Variants in HNRNPL observed in about 807,000 individuals in gnomAD.
The protein encoded by HNRNPL is heterogeneous nuclear ribonucleoprotein L, also known as epididymis secretory sperm binding protein.
HNRNPL carries 12 observed loss-of-function variants against 64.0 expected under a neutral mutation model. That is an observed-to-expected ratio of 0.19 (90% CI 0.12 to 0.30). The LOEUF (loss-of-function observed/expected upper bound fraction) is 0.30. Among genes scored for constraint, HNRNPL ranks in the 10% least tolerant of loss-of-function variants. HNRNPL has a pLI of 1.00. For missense variants in HNRNPL, 484 were observed against 797.4 expected, an observed-to-expected ratio of 0.61 and a Z score of 4.73; for synonymous variants, 385 against 313.0, an observed-to-expected ratio of 1.23 and a Z score of -2.43.
At chr19:38,851,433 G>A (rs1476127977), upstream of HNRNPL, among the ~76,000 whole-genome samples, 1 of 152,220 alleles carries the variant, frequency 6.6e-6, no homozygotes, top group Non-Finnish European at 1.5e-5. Context: ...GCAGGGTGTG[G>A]GGGGGAACAC....
At chr19:38,845,013 T>C (rs936813636) in intron 4 of HNRNPL, 1 of 152,298 alleles carries the variant, frequency 6.6e-6, no homozygotes, top group African/African-American at 2.4e-5. Flanking sequence ...CGGCCCCATA[T>C]CCCCTTTTAA....
chr19:38,840,730 C>A, intron 6 of HNRNPL, 171 bp from the exon 7 acceptor site: 1 of 629,694 alleles, frequency 1.6e-6, no homozygotes, highest in Non-Finnish European at 2.8e-6. Context: ...GCATGAAGCC[C>A]GAGCCTCAAA....
At chr19:38,837,926 T>C (rs1347798115) in intron 10 of HNRNPL, among the ~76,000 whole-genome samples, 2 of 152,234 alleles carry the variant, frequency 1.3e-5, no homozygotes, top group Non-Finnish European at 2.9e-5. Context: ...TGAACACTGT[T>C]TGCTGAATGC....
At position 38,840,576 on chromosome 19, in the gene HNRNPL, C is replaced by T. The variant is rs372961507; in HGVS notation, c.881-17G>A. 21 of 1,565,552 alleles carry T rather than the reference C, an allele frequency of 1.3e-5. No homozygotes were observed. Among genetic ancestry groups the T allele is most frequent in the Admixed American group, 1.9e-5 (1 of 53,054 alleles). ...CAGGGTCACCTGTGGAGAGAGAAAA[C>T]AGTTAGGAGTCTCACTCAGAAATTG... is the stretch of plus-strand genomic sequence containing the variant. On this transcript the variant is annotated splice_polypyrimidine_tract_variant and intron_variant, in intron 6 of 12. Transcript: ENST00000221419.
At chr19:38,840,906 G>A (rs943968763) in intron 6 of HNRNPL, 8 of 302,368 alleles carry the variant, frequency 2.6e-5, no homozygotes, top group Admixed American at 5.3e-5. Context: ...ATATTATGGC[G>A]GGCCAAAAGC....
chr19:38,838,732 A>G (rs1972012216), intron 9 of HNRNPL, 134 bp from the exon 10 acceptor site: 3 of 1,302,730 alleles, frequency 2.3e-6, no homozygotes, highest in Admixed American at 1.7e-5. Context: ...AGGCTGACTC[A>G]CTTTCTCCTG....
chr19:38,848,206 T>A (rs1249053196), intron 1 of HNRNPL, among the ~76,000 whole-genome samples: 1 of 152,190 alleles, frequency 6.6e-6, no homozygotes, highest in Non-Finnish European at 1.5e-5. Flanking sequence ...TTCTCCTGCC[T>A]CAGCCTCCCG....
At position 38,843,813 on chromosome 19, in the gene HNRNPL, G is replaced by A. The variant is rs780432896; in HGVS notation, c.880+29C>T. 20 of 1,586,140 alleles carry A rather than the reference G, an allele frequency of 1.3e-5. No homozygotes were observed. In the South Asian group the frequency reaches 1.9e-4, roughly 15 times the overall value. ...AGTCGAGTGAAAGCAAGGCGGGTAT[G>A]TTTAGAACAAAGTGGTCGTCAAGAT... is the stretch of plus-strand genomic sequence containing the variant. On this transcript the variant is annotated intron_variant, in intron 6 of 12. Coordinates refer to ENST00000221419, the MANE Select transcript of HNRNPL (RefSeq NM_001533.3).
chr19:38,840,265 C>G lies in HNRNPL; in HGVS notation c.1064G>C (p.Gly355Ala). 2 of 1,577,486 alleles carry G rather than the reference C, an allele frequency of 1.3e-6. No individual in the cohort carries two copies. The highest frequency in any genetic ancestry group is 1.7e-6 in the Non-Finnish European group (2 of 1,161,748). The part of the protein sequence containing the change: ...MGPPVGGHRR[G>A]PSRYGPQYGH... The stretch of plus-strand genomic sequence containing the variant: ...ATACTGGGGGCCGTAGCGACTTGGG[C>G]CCCGACGGTGACCCCCCACTGGTGG... The change falls in exon 8 of 13, where the codon GGC becomes GCC. Residue 355 changes from glycine to alanine, a missense_variant. Gly to Ala is a moderately conservative substitution (Grantham distance 60). Coordinates refer to ENST00000221419, the MANE Select transcript of HNRNPL (RefSeq NM_001533.3).
At chr19:38,847,191 G>A (rs183977015) in intron 2 of HNRNPL, 125 bp downstream of exon 2, 24 of 514,368 alleles carry the variant, frequency 4.7e-5, no homozygotes, top group Non-Finnish European at 7.0e-5. Flanking sequence ...CCCAAAAGCA[G>A]AGCGGCCACA....
At chr19:38,850,997 T>TCCCAGAC (rs1229234678), upstream of HNRNPL, 1 of 152,380 alleles carries the variant, frequency 6.6e-6, no homozygotes, top group African/African-American at 2.4e-5. Context: ...GCGATCTAAA[T>TCCCAGAC]TAACAGGTCC....
chr19:38,838,320 G>C, intron 10 of HNRNPL, 77 bp downstream of exon 10: 1 of 1,260,562 alleles, frequency 7.9e-7, no homozygotes, highest in South Asian at 1.4e-5. Context: ...GCTATTTGCA[G>C]AAAAGACTGA....
chr19:38,847,209 G>C (rs1487047174), intron 2 of HNRNPL, 107 bp downstream of exon 2: 1 of 550,586 alleles, frequency 1.8e-6, no homozygotes, highest in Non-Finnish European at 3.2e-6. Context: ...ACAGAATCTA[G>C]ACCAGGATGG....
intron 8 of HNRNPL, 87 bp from the exon 9 acceptor site, chr19:38,839,102 T>G (rs1972025285): frequency 6.5e-7 from 1 of 1,529,780 alleles, no homozygotes. Context: ...TAATAACCCC[T>G]GCTCTGGCCT....
chr19:38,842,748 T>C (rs965382079), intron 6 of HNRNPL, among the ~76,000 whole-genome samples: 1 of 152,140 alleles, frequency 6.6e-6, no homozygotes, highest in Admixed American at 6.5e-5. Flanking sequence ...TCGTTTTTTT[T>C]TGGGCCCCAG....
chr19:38,845,761 G>A (rs752746555), intron 3 of HNRNPL, 26 bp from the exon 4 acceptor site: 3 of 1,605,788 alleles, frequency 1.9e-6, no homozygotes, highest in Admixed American at 1.7e-5. Context: ...CAGGCAAGAT[G>A]AAGGGGCACT....
intron 2 of HNRNPL, among the ~76,000 whole-genome samples, chr19:38,846,301 T>C (rs560583854): frequency 2.5e-4 from 38 of 152,310 alleles, no homozygotes; most frequent in Non-Finnish European, 1.8e-4. Flanking sequence ...GAAGCCTTCC[T>C]GACCTCTCCT....
At chr19:38,839,164 AC>A in intron 8 of HNRNPL, 149 bp from the exon 9 acceptor site, 1 of 930,646 alleles carries the variant, frequency 1.1e-6, no homozygotes, top group South Asian at 1.6e-5. Flanking sequence ...CCTGGCCCAC[AC>A]CAAGTGCTCA....
upstream of HNRNPL, among the ~76,000 whole-genome samples, chr19:38,851,884 G>A (rs79477410): frequency 9.9e-3 from 1,502 of 152,250 alleles, 26 homozygotes; most frequent in African/African-American, 0.035. Flanking sequence ...CGGACACCAG[G>A]AAGATCCGAC....
Sources: allele counts gnomAD v4.1 joint callset (sites outside exome capture counted in the v4.1 genomes callset), GRCh38; gene constraint gnomAD v4.1.1; transcripts MANE v1.5; gene names NCBI Gene and HGNC (gene_info 2026-07-23, HGNC 2026-07-21).